The following CAMKK2 variants were observed in gnomAD, a reference collection of about 807,000 sequenced individuals.
CAMKK2 encodes calcium/calmodulin dependent protein kinase kinase 2, also known as calcium/calmodulin-dependent protein kinase kinase 2.
CAMKK2 carries 30 observed loss-of-function variants against 67.2 expected under a neutral mutation model. The observed-to-expected ratio is 0.45, with a 90% CI of 0.33 to 0.61. CAMKK2 has a LOEUF of 0.61. Among genes scored for constraint, CAMKK2 ranks in the 20% least tolerant of loss-of-function variants. The pLI, the probability that CAMKK2 is intolerant of heterozygous loss-of-function variation, is 0.02. For synonymous variants in CAMKK2, 322 were observed against 326.2 expected, an observed-to-expected ratio of 0.99 and a Z score of 0.14; for missense variants, 643 against 802.0, an observed-to-expected ratio of 0.80 and a Z score of 2.39.
chr12:121,244,108 G>A (rs1314276312), intron 16 of CAMKK2: 2 of 1,612,182 alleles, frequency 1.2e-6, no homozygotes, highest in Admixed American at 3.4e-5. Flanking sequence ...CAACAGGCAG[G>A]AAGGGGACTT....
At chr12:121,277,798 C>T (rs1593451175) in intron 1 of CAMKK2, among the ~76,000 whole-genome samples, 1 of 152,084 alleles carries the variant, frequency 6.6e-6, no homozygotes, top group South Asian at 2.1e-4. Context: ...GAAACCCCAT[C>T]TCTACTAAAA....
At chr12:121,289,006 C>A (rs2136624777) in intron 1 of CAMKK2, among the ~76,000 whole-genome samples, 1 of 152,158 alleles carries the variant, frequency 6.6e-6, no homozygotes, top group South Asian at 2.1e-4. Context: ...TCACCTGGGA[C>A]AGGAACCAAG....
intron 16 of CAMKK2, chr12:121,244,048 A>C: frequency 6.3e-7 from 1 of 1,590,652 alleles, no homozygotes; most frequent in Non-Finnish European, 8.6e-7. Flanking sequence ...GGTGGCTGAC[A>C]GCAAGAAGGT....
At position 121,263,824 on chromosome 12, in the gene CAMKK2, A is replaced by G. The variant is rs146605234; in HGVS notation, c.741T>C (p.Asn247=). Residue 247 remains asparagine, a synonymous_variant, in exon 6 of 17, where the codon AAT becomes AAC. Transcript: ENST00000404169. ...CTTTTACCTCCACCAGCTTCACCAC[A>G]TTGGGGTGGTCCAGCTTCTTGAGGA... ...IAILKKLDHP[N]VVKLVEVLDD... The G allele has an allele frequency of 6.4e-4, 1,029 of 1,611,556 alleles. 1 individual carries two copies. Among genetic ancestry groups the G allele is most frequent in the Non-Finnish European group, 7.7e-4 (912 of 1,178,292 alleles).
chr12:121,252,623 C>G, intron 11 of CAMKK2, 38 bp downstream of exon 11: 1 of 1,597,788 alleles, frequency 6.3e-7, no homozygotes, highest in South Asian at 1.1e-5. Context: ...CAGGGGCCAC[C>G]CAGCAGTACT....
At chr12:121,268,567 TC>T (rs1895098719) in intron 5 of CAMKK2, 70 bp downstream of exon 5, 1 of 1,385,858 alleles carries the variant, frequency 7.2e-7, no homozygotes, top group Non-Finnish European at 1.0e-6. Context: ...GTGCAATGGT[TC>T]CCATTCAGGG....
At chr12:121,272,857 A>G (rs967802319) in intron 2 of CAMKK2, among the ~76,000 whole-genome samples, 3 of 152,120 alleles carry the variant, frequency 2.0e-5, no homozygotes, top group African/African-American at 7.2e-5. Flanking sequence ...TGGGCAACAC[A>G]GCAACCCTCT....
chr12:121,244,772 T>C (rs1409055177), intron 15 of CAMKK2, among the ~76,000 whole-genome samples, 157 bp from the exon 16 acceptor site: 2 of 152,202 alleles, frequency 1.3e-5, no homozygotes, highest in African/African-American at 2.4e-5. Context: ...GACACCTCTC[T>C]GCATGGACAC....
chr12:121,296,840 A>G (rs1335152810), upstream of CAMKK2: 12 of 148,412 alleles, frequency 8.1e-5, no homozygotes, highest in East Asian at 2.2e-3. The surrounding 1 kb of genome is among the most constrained non-coding windows in gnomAD (Gnocchi z 7.1). Context: ...GGCGGCGGGA[A>G]ACCCGAAAGC....
At chr12:121,293,423 C>T (rs955628624) in intron 1 of CAMKK2, among the ~76,000 whole-genome samples, 3 of 152,124 alleles carry the variant, frequency 2.0e-5, no homozygotes, top group South Asian at 4.2e-4. Flanking sequence ...TATGCTGGGG[C>T]GGGAAGAAGA....
chr12:121,268,082 G>GAATATATATATATATATA (rs1465575245), intron 5 of CAMKK2, among the ~76,000 whole-genome samples: 1 of 47,892 alleles, frequency 2.1e-5, no homozygotes, highest in Non-Finnish European at 3.9e-5. Flanking sequence ...TCCATTGGAT[G>GAATATATATATATATATA]CATATATATA....
intron 14 of CAMKK2, among the ~76,000 whole-genome samples, chr12:121,246,255 G>T (rs1039796671): frequency 2.5e-5 from 2 of 79,822 alleles, no homozygotes; most frequent in East Asian, 3.7e-4. Context: ...AGAAGGAGCG[G>T]GGGGGGGGAG....
chr12:121,284,887 G>C (rs1898436548), intron 1 of CAMKK2, among the ~76,000 whole-genome samples: 1 of 152,208 alleles, frequency 6.6e-6, no homozygotes, highest in Admixed American at 6.5e-5. Flanking sequence ...GAGAGCTGTG[G>C]CTTTGGCCTC....
At chr12:121,246,004 G>C (rs111360287) in intron 14 of CAMKK2, among the ~76,000 whole-genome samples, 2 of 152,168 alleles carry the variant, frequency 1.3e-5, no homozygotes, top group South Asian at 4.2e-4. Flanking sequence ...AGCCAGGCCC[G>C]AAAGGCCTCA....
chr12:121,280,440 T>C (rs949440536), intron 1 of CAMKK2, among the ~76,000 whole-genome samples: 15 of 152,164 alleles, frequency 9.9e-5, no homozygotes, highest in African/African-American at 3.6e-4. Flanking sequence ...TGTGTGTTTG[T>C]GCAATATGAA....
At position 121,240,717 on chromosome 12, in the gene CAMKK2, C is replaced by T. The variant is rs1361633440; in HGVS notation, c.1749G>A (p.Glu583=). The T allele has an allele frequency of 1.9e-6, 3 of 1,604,926 alleles. No individual in the cohort carries two copies. Among genetic ancestry groups the T allele is most frequent in the African/African-American group, 2.7e-5 (2 of 74,602 alleles). Residue 583 remains glutamate (E), a synonymous_variant, in exon 17 of 17, where the codon GAG becomes GAA. Transcript: ENST00000404169. The surrounding 1 kb of genome is among the most constrained non-coding windows in gnomAD (Gnocchi z 4.4). ...PARMHPLRPE[E]AMEPE is the part of the protein sequence containing the mutation. The stretch of plus-strand genomic sequence containing the variant: ...CAGGCAGCTACTCGGGCTCCATGGC[C>T]TCCTCCGGCCGCAGTGGATGCATGC...
At chr12:121,260,646 T>C in intron 6 of CAMKK2, 1 of 528,294 alleles carries the variant, frequency 1.9e-6, no homozygotes, top group African/African-American at 2.0e-5. Context: ...TATCTCATGC[T>C]TGAATAAGAA....
intron 16 of CAMKK2, among the ~76,000 whole-genome samples, chr12:121,243,157 C>T (rs1055232929): frequency 4.6e-5 from 7 of 151,892 alleles, no homozygotes; most frequent in African/African-American, 1.7e-4. Context: ...CCTCACCTCC[C>T]GAGTAGCTGG....
At chr12:121,273,056 T>G (rs1896074174) in intron 2 of CAMKK2, among the ~76,000 whole-genome samples, 1 of 152,068 alleles carries the variant, frequency 6.6e-6, no homozygotes, top group Admixed American at 6.6e-5. Context: ...GAGCTTACGT[T>G]CTGGCTGGGT....
Sources: gnomAD v4.1 joint callset for allele counts (sites outside exome capture counted in the v4.1 genomes callset) on GRCh38, gnomAD v4.1.1 for gene constraint, Gnocchi (gnomAD v3.1) non-coding constraint, MANE v1.5 for transcripts, NCBI Gene and HGNC (gene_info 2026-07-23, HGNC 2026-07-21) for gene names.